DOCK4: variants seen among roughly 807,000 people sequenced by gnomAD.
DOCK4 encodes dedicator of cytokinesis protein 4.
Under a neutral mutation model 268.1 loss-of-function variants are expected in DOCK4, and 97 were observed. The observed-to-expected ratio is 0.36, with a 90% CI of 0.31 to 0.43. The LOEUF is 0.43. Ranked by LOEUF, DOCK4 falls within the 20% of genes least tolerant of loss-of-function variation. The pLI, the probability that DOCK4 is intolerant of heterozygous loss-of-function variation, is 1.00. For synonymous variants in DOCK4, 954 were observed against 887.2 expected, an observed-to-expected ratio of 1.08 and a Z score of -1.34; for missense variants, 2,145 against 2,455.7, an observed-to-expected ratio of 0.87 and a Z score of 2.67.
In DOCK4 at chr7:111,988,289, G is replaced by A. The variant is rs756849434; in HGVS notation, c.464+726C>T. Among the ~76,000 whole-genome samples, 73 of 152,252 alleles carry A rather than the reference G, an allele frequency of 4.8e-4. 1 individual carries two copies. Among genetic ancestry groups the A allele is most frequent in the Middle Eastern group, 6.8e-3 (2 of 294 alleles). ...TCACTGCTTTAAACCTAAACCTCAC[G>A]CAACCCTAGGGTCTCAGTCAAAGGT... On this transcript the variant is annotated intron_variant, in intron 6 of 52. Coordinates refer to ENST00000428084, the MANE Select transcript of DOCK4 (RefSeq NM_001363540.2).
intron 1 of DOCK4, among the ~76,000 whole-genome samples, chr7:112,192,282 G>A (rs1820027952): frequency 6.6e-6 from 1 of 151,932 alleles, no homozygotes. Flanking sequence ...CAAGGGGGAG[G>A]GGAGGGGGAG....
chr7:111,874,265 T>C (rs538479639), intron 17 of DOCK4, among the ~76,000 whole-genome samples: 2 of 151,998 alleles, frequency 1.3e-5, no homozygotes, highest in Non-Finnish European at 2.9e-5. Context: ...TCCTTTAAAG[T>C]GAGGCAGTTG....
chr7:111,912,041 A>T (rs919346486), intron 13 of DOCK4, among the ~76,000 whole-genome samples: 1 of 152,238 alleles, frequency 6.6e-6, no homozygotes, highest in Non-Finnish European at 1.5e-5. Flanking sequence ...AGGTCAGGTC[A>T]TCTGAGGAAA....
intron 2 of DOCK4, among the ~76,000 whole-genome samples, chr7:112,001,337 C>A (rs1800406531): frequency 6.6e-6 from 1 of 152,148 alleles, no homozygotes; most frequent in Non-Finnish European, 1.5e-5. Context: ...ATGATGAAAT[C>A]CCGTGCCTGC....
chr7:111,894,005 C>T (rs759579416), intron 16 of DOCK4, among the ~76,000 whole-genome samples: 1 of 152,192 alleles, frequency 6.6e-6, no homozygotes, highest in South Asian at 2.1e-4. Flanking sequence ...GGGCGGATCA[C>T]GAGGTCAGGA....
intron 13 of DOCK4, among the ~76,000 whole-genome samples, chr7:111,908,450 A>C (rs1445937888): frequency 6.9e-6 from 1 of 144,972 alleles, no homozygotes; most frequent in East Asian, 2.0e-4. Flanking sequence ...TCCGTCTCAA[A>C]AAAATAAATA....
chr7:112,060,410 A>C (rs117693056), intron 1 of DOCK4, among the ~76,000 whole-genome samples: 5 of 152,138 alleles, frequency 3.3e-5, no homozygotes, highest in Non-Finnish European at 7.4e-5. Context: ...AAATAGTATA[A>C]TGGTTCCTCA....
At chr7:111,737,238 A>T (rs1176720174) in intron 49 of DOCK4, among the ~76,000 whole-genome samples, 1 of 152,200 alleles carries the variant, frequency 6.6e-6, no homozygotes, top group Non-Finnish European at 1.5e-5. Flanking sequence ...GTAAATGTTC[A>T]TAATAAAATG....
chr7:111,970,684 G>A (rs1427792654), intron 8 of DOCK4, among the ~76,000 whole-genome samples: 2 of 152,172 alleles, frequency 1.3e-5, no homozygotes, highest in African/African-American at 4.8e-5. Flanking sequence ...TGTCAAGACT[G>A]TATACACCTC....
At chr7:111,973,156 CATATATATATATATATATATAT>C in intron 8 of DOCK4, among the ~76,000 whole-genome samples, 1 of 114,050 alleles carries the variant, frequency 8.8e-6, no homozygotes, top group South Asian at 2.9e-4. Flanking sequence ...TATTCCATGG[CATATATATATATATATATATAT>C]ATATATATAA....
At chr7:112,083,428 C>T (rs1418400698) in intron 1 of DOCK4, among the ~76,000 whole-genome samples, 1 of 151,942 alleles carries the variant, frequency 6.6e-6, no homozygotes, top group Non-Finnish European at 1.5e-5. Flanking sequence ...GACCCAGTTA[C>T]TATAACATAA....
Position 111,935,628 on chromosome 7 carries a change from C to T in DOCK4, c.978G>A (p.Met326Ile), listed in dbSNP as rs200828913. 56 of 1,612,588 alleles carry T rather than the reference C, an allele frequency of 3.5e-5. No homozygotes were observed. The highest frequency in any genetic ancestry group is 1.0e-5 in the Non-Finnish European group (12 of 1,178,924). Residue 326 changes from methionine (M) to isoleucine (I), a missense_variant and splice_region_variant, in exon 12 of 53, where the codon ATG becomes ATA. Met to Ile is a conservative substitution (Grantham distance 10). This residue lies in a region of DOCK4 where 1,598 missense variants were observed against 1,986.7 expected (regional missense o/e 0.80). Coordinates refer to ENST00000428084, the MANE Select transcript of DOCK4 (RefSeq NM_001363540.2). ...TKDDLILKVY[M>I]CNTESEWYQI... is the part of the protein sequence containing the mutation. ...GGTACCACTCACTCTCTGTGTTACA[C>T]CTATGAAAACATTAACACTCTGTTA...
chr7:111,915,493 G>A (rs1454224150), intron 13 of DOCK4, among the ~76,000 whole-genome samples: 1 of 152,078 alleles, frequency 6.6e-6, no homozygotes, highest in Non-Finnish European at 1.5e-5. Context: ...ATGAAATGTA[G>A]CCATGGCCCC....
At chr7:112,099,291 C>T (rs530071282) in intron 1 of DOCK4, among the ~76,000 whole-genome samples, 23 of 121,552 alleles carry the variant, frequency 1.9e-4, no homozygotes, top group African/African-American at 7.2e-4. Flanking sequence ...GACCCTGTCT[C>T]GGATTTAAAA....
intron 1 of DOCK4, among the ~76,000 whole-genome samples, chr7:112,140,422 T>C (rs1234616446): frequency 6.6e-6 from 1 of 152,158 alleles, no homozygotes; most frequent in Non-Finnish European, 1.5e-5. Context: ...ATTAAAACTG[T>C]GAGGCTGAGC....
chr7:111,998,888 C>T (rs1586606880), intron 3 of DOCK4, among the ~76,000 whole-genome samples: 1 of 151,906 alleles, frequency 6.6e-6, no homozygotes, highest in East Asian at 1.9e-4. Context: ...ATGGTAGTTC[C>T]TTTTTTTCTC....
At chr7:112,081,265 C>T (rs1808558236) in intron 1 of DOCK4, among the ~76,000 whole-genome samples, 1 of 152,158 alleles carries the variant, frequency 6.6e-6, no homozygotes, top group Admixed American at 6.5e-5. Flanking sequence ...GCAAGCATGA[C>T]TCCGTTTCCA....
At chr7:111,911,583 G>T (rs1030417409) in intron 13 of DOCK4, among the ~76,000 whole-genome samples, 1 of 152,108 alleles carries the variant, frequency 6.6e-6, no homozygotes, top group African/African-American at 2.4e-5. Context: ...TGTAGACTTC[G>T]CATTACAAGG....
intron 3 of DOCK4, among the ~76,000 whole-genome samples, chr7:111,999,149 A>T (rs557224898): frequency 2.6e-5 from 4 of 152,294 alleles, no homozygotes; most frequent in African/African-American, 9.6e-5. Flanking sequence ...GAAAGAAACA[A>T]CAACAAAAAA....
Sources: allele counts gnomAD v4.1 joint callset (sites outside exome capture counted in the v4.1 genomes callset), GRCh38; gene constraint gnomAD v4.1.1; regional missense constraint gnomAD v4.1.1; transcripts MANE v1.5; gene names NCBI Gene and HGNC (gene_info 2026-07-23, HGNC 2026-07-21).